Variants in PREX1 observed in about 807,000 individuals in gnomAD.
PREX1 encodes the protein phosphatidylinositol-3,4,5-trisphosphate dependent Rac exchange factor 1, also known as phosphatidylinositol 3,4,5-trisphosphate-dependent Rac exchanger 1 protein.
A neutral mutation model predicts 198.3 loss-of-function variants in PREX1; 41 were observed. That is an observed-to-expected ratio of 0.21 (90% CI 0.16 to 0.27). The LOEUF (loss-of-function observed/expected upper bound fraction) is 0.27, where lower values mean the gene tolerates loss of function less well. Among genes scored for constraint, PREX1 ranks in the 10% least tolerant of loss-of-function variants. The pLI is 1.00. For synonymous variants in PREX1, 843 were observed against 887.2 expected (o/e 0.95, Z 0.89); for missense variants, 1,620 against 2,200.7 (o/e 0.74, Z 5.28).
At chr20:48,698,001 A>G (rs2089855707) in intron 7 of PREX1, among the ~76,000 whole-genome samples, 1 of 151,940 alleles carries the variant, frequency 6.6e-6, no homozygotes, top group Non-Finnish European at 1.5e-5. Flanking sequence ...CCCACATCAG[A>G]CTCAGGTGGG....
At chr20:48,887,671 G>A in the PREX1 span, among the ~76,000 whole-genome samples, 1 of 151,496 alleles carries the variant, frequency 6.6e-6, no homozygotes, top group South Asian at 2.1e-4. Context: ...TGTTTGCCGG[G>A]TGCGGTGATT....
intron 6 of PREX1, among the ~76,000 whole-genome samples, chr20:48,705,571 A>G (rs2089899124): frequency 6.6e-6 from 1 of 152,222 alleles, no homozygotes; most frequent in Non-Finnish European, 1.5e-5. Context: ...AAGATGTGCA[A>G]TCGCATCATT....
At position 48,657,031 on chromosome 20, in the gene PREX1, G is replaced by C; in HGVS notation, c.2123+9C>G. 1 of 1,580,250 alleles carries C rather than the reference G, an allele frequency of 6.3e-7. No individual in the cohort carries two copies. ...AGGGCTGCCGGACACCCCGCCCTGG[G>C]ACACTCACTCTTTGGCCTTCGTGGC... is the stretch of plus-strand genomic sequence containing the variant. On this transcript the variant is annotated intron_variant, in intron 18 of 39. Transcript: ENST00000371941.
chr20:48,757,486 A>T (rs2090160470), intron 1 of PREX1, among the ~76,000 whole-genome samples: 1 of 152,248 alleles, frequency 6.6e-6, no homozygotes, highest in East Asian at 1.9e-4. Flanking sequence ...GAAAGAGGAA[A>T]ACAGGGCATG....
intron 25 of PREX1, among the ~76,000 whole-genome samples, chr20:48,648,488 T>A (rs563007694): frequency 6.6e-6 from 1 of 152,130 alleles, no homozygotes; most frequent in Non-Finnish European, 1.5e-5. Flanking sequence ...CAGCCCCAAA[T>A]GTCACCAGTG....
At chr20:48,723,610 G>A (rs771236560) in intron 5 of PREX1, among the ~76,000 whole-genome samples, 1 of 152,140 alleles carries the variant, frequency 6.6e-6, no homozygotes, top group Non-Finnish European at 1.5e-5. Flanking sequence ...GTGCCCCGAC[G>A]GAGCGCAAGT....
chr20:48,695,644 T>C (rs59447274), intron 7 of PREX1, among the ~76,000 whole-genome samples: 1,609 of 152,340 alleles, frequency 0.011, 32 homozygotes, highest in African/African-American at 0.037. Context: ...AATATTTAAT[T>C]TGTAGTTCCC....
the PREX1 span, among the ~76,000 whole-genome samples, chr20:48,844,994 C>A: frequency 6.6e-6 from 1 of 152,210 alleles, no homozygotes; most frequent in Admixed American, 6.5e-5. Flanking sequence ...CAACTTGAAT[C>A]AATTATCTGC....
intron 1 of PREX1, among the ~76,000 whole-genome samples, chr20:48,777,418 C>T (rs2090267599): frequency 6.6e-6 from 1 of 152,168 alleles, no homozygotes; most frequent in African/African-American, 2.4e-5. Context: ...TCAGAACTGA[C>T]CATTACGGTT....
intron 1 of PREX1, among the ~76,000 whole-genome samples, chr20:48,761,375 G>A (rs989591826): frequency 6.6e-6 from 1 of 152,158 alleles, no homozygotes; most frequent in African/African-American, 2.4e-5. Flanking sequence ...GGTCACTGTG[G>A]TGTCCCAGAG....
chr20:48,649,477 T>G lies in PREX1; in HGVS notation c.3128A>C (p.Gln1043Pro), dbSNP rs764337037. 9 of 1,614,016 alleles carry G rather than the reference T, an allele frequency of 5.6e-6. No individual in the cohort carries two copies. Among genetic ancestry groups the G allele is most frequent in the Admixed American group, 5.0e-5 (3 of 59,998 alleles). The change falls in exon 25 of 40, where the codon CAG becomes CCG. Residue 1043 changes from glutamine (Q) to proline (P), a missense_variant. Physicochemically the swap from Gln to Pro is moderately conservative, Grantham distance 76. Transcript: ENST00000371941. ...CCCGAAGCTGCCATCATGGAGACCC[T>G]GGCCTTGGGGATCACCCTCTGCAGC... ...LPAAEGDPQG[Q>P]GLHDGSFGPA...
chr20:48,786,847 G>A (rs28625235), intron 1 of PREX1, among the ~76,000 whole-genome samples: 452 of 37,778 alleles, frequency 0.012, 9 homozygotes, highest in East Asian at 0.07. Flanking sequence ...AAGAAAAAGA[G>A]AGAGAGAAAG....
intron 1 of PREX1, among the ~76,000 whole-genome samples, chr20:48,814,662 A>T (rs1279828796): frequency 6.6e-6 from 1 of 152,198 alleles, no homozygotes; most frequent in Non-Finnish European, 1.5e-5. Context: ...AGCCATCATA[A>T]GGAGCTGGGA....
At chr20:48,653,269 T>A in intron 20 of PREX1, 92 bp downstream of exon 20, 1 of 1,534,392 alleles carries the variant, frequency 6.5e-7, no homozygotes. Context: ...CAGTGGTACA[T>A]GCAGGCTTTT....
At chr20:48,689,732 G>GCC (rs2089807046) in intron 9 of PREX1, among the ~76,000 whole-genome samples, 1 of 152,188 alleles carries the variant, frequency 6.6e-6, no homozygotes, top group Non-Finnish European at 1.5e-5. Context: ...CCAGTTCAGT[G>GCC]GTTTATCGGG....
rs746062361 is a variant in PREX1 at position 48,649,337 on chromosome 20, G to A, written c.3268C>T (p.Leu1090=). The A allele has an allele frequency of 9.9e-6, 16 of 1,613,962 alleles. No individual in the cohort carries two copies. In the African/African-American group the frequency reaches 2.0e-4, roughly 20 times the overall value. ...LQLFTKLDVA[L]KEMKQYVTQI... is the part of the protein sequence containing the mutation. Reference sequence around the variant, plus strand: ...GTGACATATTGCTTCATCTCCTTCAGGGCCACATCCAGCTTGGTGAAGAGC... The same window carrying A: ...GTGACATATTGCTTCATCTCCTTCAAGGCCACATCCAGCTTGGTGAAGAGC... The change falls in exon 25 of 40, where the codon CTG becomes TTG. Residue 1090 remains leucine, a synonymous_variant. Transcript: ENST00000371941.
intron 32 of PREX1, among the ~76,000 whole-genome samples, chr20:48,636,218 T>C (rs191707174): frequency 1.3e-5 from 2 of 152,240 alleles, no homozygotes; most frequent in African/African-American, 2.4e-5. Context: ...GATTCTGTTA[T>C]CTGTGTGTGT....
chr20:48,714,406 T>C (rs118005281), intron 5 of PREX1, among the ~76,000 whole-genome samples: 1 of 152,234 alleles, frequency 6.6e-6, no homozygotes, highest in Non-Finnish European at 1.5e-5. Flanking sequence ...AAAGAACCCT[T>C]ACAACTTAAC....
Position 48,694,155 on chromosome 20 carries a change from AC to A in PREX1, c.918-1366del, listed in dbSNP as rs1246108531. Among the ~76,000 whole-genome samples, 4 of 146,568 alleles carry A rather than the reference AC, an allele frequency of 2.7e-5. No individual in the cohort carries two copies. In the South Asian group the frequency reaches 8.8e-4, roughly 32 times the overall value. On this transcript the variant is annotated intron_variant, in intron 7 of 39. Coordinates refer to ENST00000371941, the MANE Select transcript of PREX1 (RefSeq NM_020820.4). ...TCGAACTCCTGACCTCAAGTTATCCACCCCCCTCGGCCTCCCAAAGTCTTGG... is the reference window on the plus strand; with the variant it reads ...TCGAACTCCTGACCTCAAGTTATCCACCCCCTCGGCCTCCCAAAGTCTTGG...
Sources: gnomAD v4.1 joint callset for allele counts (sites outside exome capture counted in the v4.1 genomes callset) on GRCh38, gnomAD v4.1.1 for gene constraint, MANE v1.5 for transcripts, NCBI Gene and HGNC (gene_info 2026-07-23, HGNC 2026-07-21) for gene names.